The following DLGAP1 variants were observed in gnomAD, a reference collection of about 807,000 sequenced individuals.
DLGAP1 encodes disks large-associated protein 1.
In DLGAP1, 11 loss-of-function variants were observed where a neutral mutation model predicts 90.8. The observed-to-expected ratio is 0.12, with a 90% CI of 0.08 to 0.20. DLGAP1 has a LOEUF of 0.20. DLGAP1 is among the 10% of genes least tolerant of loss of function. DLGAP1 has a pLI of 1.00. For synonymous variants in DLGAP1, 558 were observed against 540.7 expected (o/e 1.03, Z -0.44); for missense variants, 1,050 against 1,333.8 (o/e 0.79, Z 3.31).
chr18:4,160,612 G>C (rs1047919247), intron 1 of DLGAP1, among the ~76,000 whole-genome samples: 1 of 152,130 alleles, frequency 6.6e-6, no homozygotes, highest in African/African-American at 2.4e-5. Context: ...GAGATATTAA[G>C]AAACTCATCT....
intron 1 of DLGAP1, chr18:4,281,051 G>T (rs2079538390): frequency 6.6e-6 from 1 of 152,084 alleles, no homozygotes; most frequent in Admixed American, 6.6e-5. Context: ...GCTAATTTTG[G>T]AACAAACTAT....
At chr18:4,154,506 T>C (rs1478124696) in intron 1 of DLGAP1, among the ~76,000 whole-genome samples, 1 of 152,000 alleles carries the variant, frequency 6.6e-6, no homozygotes, top group East Asian at 1.9e-4. Context: ...GTTACGGTAT[T>C]CCAAGAGGCT....
intron 7 of DLGAP1, among the ~76,000 whole-genome samples, chr18:3,621,561 G>A (rs886351791): frequency 2.6e-5 from 4 of 152,188 alleles, no homozygotes; most frequent in Admixed American, 1.3e-4. Flanking sequence ...TGTTCAAACC[G>A]TGTTCAAATA....
chr18:3,817,682 T>C (rs866986935), intron 4 of DLGAP1, among the ~76,000 whole-genome samples: 34 of 152,212 alleles, frequency 2.2e-4, no homozygotes, highest in Non-Finnish European at 1.2e-4. Flanking sequence ...TAGATAGTTT[T>C]AGAAGAAAGC....
At chr18:3,811,791 T>C (rs554842847) in intron 5 of DLGAP1, among the ~76,000 whole-genome samples, 1 of 152,296 alleles carries the variant, frequency 6.6e-6, no homozygotes, top group Admixed American at 6.5e-5. Flanking sequence ...AGAAAGAGTT[T>C]CAATGACTTC....
intron 2 of DLGAP1, among the ~76,000 whole-genome samples, chr18:4,117,071 C>G (rs35236861): frequency 0.42 from 64,250 of 151,894 alleles, 13,721 homozygotes; most frequent in South Asian, 0.5. Context: ...CCACTGGTGT[C>G]CTTCCAAAAA....
Position 3,784,400 on chromosome 18 carries a change from C to T in DLGAP1, c.1172+29659G>A, listed in dbSNP as rs117550610. 6.2e-3 allele frequency among the ~76,000 whole-genome samples: 949 copies of T among 152,236 alleles called. 5 individuals carry two copies. Among genetic ancestry groups the T allele is most frequent in the Non-Finnish European group, 9.6e-3 (655 of 68,020 alleles). On this transcript the variant is annotated intron_variant, in intron 5 of 12. Coordinates refer to ENST00000315677, the MANE Select transcript of DLGAP1 (RefSeq NM_004746.4). ...TTCTTTTCTATCAAGGTTTGTTTTC[C>T]GTTTTCTTCTTCTTTTTCGTAAGCT...
At chr18:4,404,253 C>T (rs1333680581) in intron 1 of DLGAP1, among the ~76,000 whole-genome samples, 1 of 152,112 alleles carries the variant, frequency 6.6e-6, no homozygotes, top group Non-Finnish European at 1.5e-5. Context: ...TGAATCAGAG[C>T]AAGTGAAATC....
intron 1 of DLGAP1, among the ~76,000 whole-genome samples, chr18:4,429,388 C>T (rs1224681800): frequency 1.3e-5 from 2 of 152,088 alleles, no homozygotes; most frequent in Non-Finnish European, 2.9e-5. Context: ...ATGTAAAATG[C>T]ATTATGTTTT....
At chr18:3,702,707 G>A (rs961011586) in intron 7 of DLGAP1, among the ~76,000 whole-genome samples, 2 of 152,154 alleles carry the variant, frequency 1.3e-5, no homozygotes, top group Non-Finnish European at 2.9e-5. Flanking sequence ...ATCTCTGTGG[G>A]GAGCCAGAGG....
intron 1 of DLGAP1, among the ~76,000 whole-genome samples, chr18:4,447,944 C>T (rs2083707671): frequency 6.6e-6 from 1 of 152,124 alleles, no homozygotes; most frequent in Non-Finnish European, 1.5e-5. Context: ...TCTAAACATT[C>T]TTGTATAGCC....
At chr18:4,338,732 T>C (rs998182044) in intron 1 of DLGAP1, among the ~76,000 whole-genome samples, 2 of 152,226 alleles carry the variant, frequency 1.3e-5, no homozygotes, top group African/African-American at 2.4e-5. Context: ...CTTGTTTCTT[T>C]ATACATAGAT....
intron 1 of DLGAP1, among the ~76,000 whole-genome samples, chr18:4,318,030 A>G (rs912362236): frequency 2.0e-4 from 30 of 152,072 alleles, no homozygotes; most frequent in Admixed American, 1.4e-3. Context: ...GTATTTTAAG[A>G]AGAGACAGGG....
chr18:3,516,741 T>C (rs1741963128), intron 10 of DLGAP1, among the ~76,000 whole-genome samples: 1 of 152,210 alleles, frequency 6.6e-6, no homozygotes, highest in African/African-American at 2.4e-5. Context: ...AAACGCCTTA[T>C]AAAATCATCA....
intron 2 of DLGAP1, among the ~76,000 whole-genome samples, chr18:4,082,402 T>G: frequency 7.0e-6 from 1 of 142,922 alleles, no homozygotes; most frequent in African/African-American, 2.6e-5. Flanking sequence ...TCCCAGCTAC[T>G]CGGGAGGCTG....
chr18:4,407,041 T>C (rs1342472506), intron 1 of DLGAP1, among the ~76,000 whole-genome samples: 1 of 152,206 alleles, frequency 6.6e-6, no homozygotes, highest in Non-Finnish European at 1.5e-5. Flanking sequence ...AGTTAGATTT[T>C]TGTTAGTTGC....
At chr18:4,025,281 T>A (rs1207714344) in intron 2 of DLGAP1, among the ~76,000 whole-genome samples, 1 of 151,636 alleles carries the variant, frequency 6.6e-6, no homozygotes, top group Non-Finnish European at 1.5e-5. Flanking sequence ...AGGTTGAGTA[T>A]CCCAAATCCA....
chr18:3,862,823 T>G (rs2070160945), intron 4 of DLGAP1, among the ~76,000 whole-genome samples: 1 of 152,252 alleles, frequency 6.6e-6, no homozygotes, highest in Admixed American at 6.5e-5. Flanking sequence ...GTGGAATGAT[T>G]TATTTAATGC....
In DLGAP1 at chr18:3,496,116, A is replaced by C. The variant is rs766731664; in HGVS notation, c.*3069T>G. The C allele has an allele frequency of 6.6e-6, 1 of 152,208 alleles. No homozygotes were observed. The highest frequency in any genetic ancestry group is 6.5e-5 in the Admixed American group (1 of 15,284). The allele number at this position is 152,208 out of a possible 1,614,324, so 9.4% of individuals were successfully genotyped here. A position where few individuals can be genotyped will look rare whatever the true frequency, so the allele number is the denominator to read the frequency against. On this transcript the variant is annotated 3_prime_UTR_variant, in exon 13 of 13. Coordinates refer to ENST00000315677, the MANE Select transcript of DLGAP1 (RefSeq NM_004746.4). ...ATTTACAATATTTTTTTGTTCACAC[A>C]CAATCTAGGTAAATAAGCCTATGAA... is the stretch of plus-strand genomic sequence containing the variant.
Sources: gnomAD v4.1 joint callset for allele counts (sites outside exome capture counted in the v4.1 genomes callset) on GRCh38, gnomAD v4.1.1 for gene constraint, MANE v1.5 for transcripts, NCBI Gene and HGNC (gene_info 2026-07-23, HGNC 2026-07-21) for gene names.